Variants in ARHGEF10L observed in about 807,000 individuals in gnomAD.
ARHGEF10L encodes the protein rho guanine nucleotide exchange factor 10-like protein.
In ARHGEF10L, 69 loss-of-function variants were observed where a neutral mutation model predicts 141.2. That is an observed-to-expected ratio of 0.49 (90% CI 0.40 to 0.60). The LOEUF is 0.60. ARHGEF10L is among the 20% of genes least tolerant of loss of function. The pLI is 0.00. For missense variants in ARHGEF10L, 1,482 were observed against 1,734.3 expected (o/e 0.85, Z 2.58); for synonymous variants, 711 against 718.5 (o/e 0.99, Z 0.17).
At position 17,613,051 on chromosome 1, in the gene ARHGEF10L, G is replaced by A. The variant is rs2059628976; in HGVS notation, c.610-7G>A. 6.8e-6 allele frequency: 11 copies of A among 1,608,842 alleles called. No individual in the cohort carries two copies. The Admixed American group carries it at 1.7e-4, about 24-fold the overall frequency. The stretch of plus-strand genomic sequence containing the variant: ...CTTTCCTTCTGCCTGGCCGCTTGGG[G>A]CTCCAGCTTTCTCCAGACCTGACTA... On this transcript the variant is annotated splice_polypyrimidine_tract_variant and splice_region_variant and intron_variant, in intron 7 of 28. Coordinates refer to ENST00000361221, the MANE Select transcript of ARHGEF10L (RefSeq NM_018125.4).
At chr1:17,628,605 T>C (rs1262323781) in intron 15 of ARHGEF10L, among the ~76,000 whole-genome samples, 1 of 152,076 alleles carries the variant, frequency 6.6e-6, no homozygotes, top group Non-Finnish European at 1.5e-5. Flanking sequence ...GGACTGTTCT[T>C]TGGAGAACGG....
At chr1:17,537,476 G>A (rs2076591696), upstream of ARHGEF10L, among the ~76,000 whole-genome samples, 1 of 152,178 alleles carries the variant, frequency 6.6e-6, no homozygotes. Flanking sequence ...TATCATAGCT[G>A]CCCTCAAGCT....
intron 14 of ARHGEF10L, among the ~76,000 whole-genome samples, chr1:17,626,294 C>T (rs1022835833): frequency 6.6e-6 from 1 of 152,108 alleles, no homozygotes; most frequent in Non-Finnish European, 1.5e-5. Context: ...GTCTGGGTTG[C>T]AGGAAGGGAG....
intron 27 of ARHGEF10L, among the ~76,000 whole-genome samples, chr1:17,690,799 C>A (rs2065044677): frequency 6.6e-6 from 1 of 152,226 alleles, no homozygotes; most frequent in South Asian, 2.1e-4. Context: ...GCCCCAGCCA[C>A]CATGCTGGGG....
intron 1 of ARHGEF10L, among the ~76,000 whole-genome samples, chr1:17,549,066 C>T (rs554508971): frequency 2.0e-4 from 29 of 148,468 alleles, no homozygotes; most frequent in South Asian, 6.5e-4. Flanking sequence ...TCTGTCACCC[C>T]GGCTGGAGTG....
At position 17,656,462 on chromosome 1, in the gene ARHGEF10L, C is replaced by T. The variant is rs974196237; in HGVS notation, c.2706-92C>T. Reference sequence around the variant, plus strand: ...AAGGCGTGGCTGAGAGGGGTCAGCTCCCTGGGGCCCTCTCCCTAGGAGGGC... The same window carrying T: ...AAGGCGTGGCTGAGAGGGGTCAGCTTCCTGGGGCCCTCTCCCTAGGAGGGC... On this transcript the variant is annotated intron_variant, in intron 24 of 28. Transcript: ENST00000361221. This position sits in a 1 kb window ranked among gnomAD's most constrained non-coding sequence, Gnocchi z 4.9. 6.7e-7 allele frequency: 1 copy of T among 1,486,574 alleles called. No homozygotes were observed. The allele number at this position is 1,486,574 out of a possible 1,614,324, so 92.1% of individuals were successfully genotyped here. A position where few individuals can be genotyped will look rare whatever the true frequency, so the allele number is the denominator to read the frequency against.
chr1:17,524,216 TGAGCTGAGATTGC>T, the ARHGEF10L span, among the ~76,000 whole-genome samples: 1 of 150,988 alleles, frequency 6.6e-6, no homozygotes, highest in Non-Finnish European at 1.5e-5. Flanking sequence ...GAGGTTGCAG[TGAGCTGAGATTGC>T]AGTGAGCTGA....
chr1:17,665,040 C>T (rs1217922591), intron 26 of ARHGEF10L, among the ~76,000 whole-genome samples: 1 of 152,164 alleles, frequency 6.6e-6, no homozygotes, highest in Non-Finnish European at 1.5e-5. Context: ...ACTGCCCATG[C>T]CTTGGCCCCC....
At position 17,635,020 on chromosome 1, in the gene ARHGEF10L, A is replaced by T. The variant is rs1432744092; in HGVS notation, c.1927+4A>T. On this transcript the variant is annotated splice_donor_region_variant and intron_variant, in intron 18 of 28. Transcript: ENST00000361221. ...TCTGCCTCAGGGCAGGCTCAGAGTGAGTACCCCCTCTCTGTGCCCTGCGTT... is the reference window on the plus strand; with the variant it reads ...TCTGCCTCAGGGCAGGCTCAGAGTGTGTACCCCCTCTCTGTGCCCTGCGTT... 1 of 1,613,882 alleles carries T rather than the reference A, an allele frequency of 6.2e-7. No individual in the cohort carries two copies. The highest frequency in any genetic ancestry group is 8.5e-7 in the Non-Finnish European group (1 of 1,179,868).
chr1:17,598,349 AC>A (rs937672408), intron 4 of ARHGEF10L, among the ~76,000 whole-genome samples: 2 of 152,060 alleles, frequency 1.3e-5, no homozygotes, highest in Admixed American at 1.3e-4. Flanking sequence ...TGATCTACCC[AC>A]CTTAACCTTC....
intron 1 of ARHGEF10L, among the ~76,000 whole-genome samples, chr1:17,567,904 G>A (rs2077829153): frequency 6.6e-6 from 1 of 152,154 alleles, no homozygotes; most frequent in Non-Finnish European, 1.5e-5. Flanking sequence ...CTCATTTTTG[G>A]ATCCTCCCCC....
intron 26 of ARHGEF10L, among the ~76,000 whole-genome samples, chr1:17,684,576 A>G (rs568740660): frequency 4.6e-5 from 7 of 152,126 alleles, no homozygotes; most frequent in Non-Finnish European, 8.8e-5. Flanking sequence ...CCTTAGCCTG[A>G]GCCCCCAATC....
intron 27 of ARHGEF10L, among the ~76,000 whole-genome samples, chr1:17,688,940 G>A (rs898978912): frequency 6.6e-6 from 1 of 152,104 alleles, no homozygotes; most frequent in Non-Finnish European, 1.5e-5. Flanking sequence ...CACAGTCCAC[G>A]GCAGTCACAA....
intron 21 of ARHGEF10L, among the ~76,000 whole-genome samples, chr1:17,646,261 C>T (rs753560532): frequency 6.6e-6 from 1 of 152,206 alleles, no homozygotes; most frequent in Non-Finnish European, 1.5e-5. Context: ...CGGGCAGTGA[C>T]GGCATGAGGG....
chr1:17,539,396 A>G (rs1359301669), upstream of ARHGEF10L, among the ~76,000 whole-genome samples: 2 of 152,104 alleles, frequency 1.3e-5, no homozygotes, highest in African/African-American at 4.8e-5. The surrounding 1 kb of genome is among the most constrained non-coding windows in gnomAD (Gnocchi z 6.0). Flanking sequence ...CCCGCGGAGA[A>G]CCGGGGAAGG....
chr1:17,638,545 G>T lies in ARHGEF10L; in HGVS notation c.2044-17G>T, dbSNP rs1181564378. ...CAGTGTGCTGTGTGGTGACCTCATT[G>T]GCCTCCTGAACCCTAGAACCTGAAC... is the stretch of plus-strand genomic sequence containing the variant. On this transcript the variant is annotated splice_polypyrimidine_tract_variant and intron_variant, in intron 19 of 28. Transcript: ENST00000361221. 2 of 1,613,976 alleles carry T rather than the reference G, an allele frequency of 1.2e-6. No homozygotes were observed.
intron 1 of ARHGEF10L, among the ~76,000 whole-genome samples, chr1:17,564,670 T>G (rs1397912783): frequency 2.6e-5 from 4 of 152,198 alleles, no homozygotes; most frequent in Non-Finnish European, 5.9e-5. Flanking sequence ...TCTGAACCTC[T>G]CTATGCCTCT....
rs1224710363 is a variant in ARHGEF10L at position 17,558,105 on chromosome 1, T to A, written c.-44+18155T>A. Among the ~76,000 whole-genome samples the A allele has an allele frequency of 6.6e-6, 1 of 151,992 alleles. No homozygotes were observed. The highest frequency in any genetic ancestry group is 1.9e-4 in the East Asian group (1 of 5,184). ...ATCTGTCCATCTGTCTACCCGTTTG[T>A]CCATTGTCCATCCATCCATCCATTC... On this transcript the variant is annotated intron_variant, in intron 1 of 28. Transcript: ENST00000361221. The surrounding 1 kb of genome is among the most constrained non-coding windows in gnomAD (Gnocchi z 4.2).
At chr1:17,528,193 T>A in the ARHGEF10L span, among the ~76,000 whole-genome samples, 2 of 151,998 alleles carry the variant, frequency 1.3e-5, no homozygotes, top group African/African-American at 4.8e-5. Context: ...TTTGAAAAAA[T>A]TCATTAAGAT....
Sources: gnomAD v4.1 joint callset for allele counts (sites outside exome capture counted in the v4.1 genomes callset) on GRCh38, gnomAD v4.1.1 for gene constraint, Gnocchi (gnomAD v3.1) non-coding constraint, MANE v1.5 for transcripts, NCBI Gene and HGNC (gene_info 2026-07-23, HGNC 2026-07-21) for gene names.